RIPOR2: variants seen among roughly 807,000 people sequenced by gnomAD.
RIPOR2 encodes the protein rho family-interacting cell polarization regulator 2.
Under a neutral mutation model 114.5 loss-of-function variants are expected in RIPOR2, and 39 were observed. The ratio of observed to expected loss-of-function variants is 0.34; its 90% CI spans 0.26 to 0.44. The LOEUF (loss-of-function observed/expected upper bound fraction) is 0.44, where lower values mean the gene tolerates loss of function less well. RIPOR2 is among the 20% of genes least tolerant of loss of function. The pLI is 1.00. For missense variants in RIPOR2, 1,007 were observed against 1,255.1 expected, an observed-to-expected ratio of 0.80 and a Z score of 2.99; for synonymous variants, 445 against 484.4, an observed-to-expected ratio of 0.92 and a Z score of 1.07.
At chr6:25,024,617 G>T (rs1179424400) in intron 1 of RIPOR2, 2 of 454,904 alleles carry the variant, frequency 4.4e-6, no homozygotes, top group East Asian at 9.9e-5. Context: ...ATTGTTAAAG[G>T]TTTCCAGTTC....
Position 25,041,750 on chromosome 6 carries a change from G to A in RIPOR2, c.76+101C>T. 5 of 629,560 alleles carry A rather than the reference G, an allele frequency of 7.9e-6. No individual in the cohort carries two copies. The South Asian group carries it at 8.9e-5, about 11-fold the overall frequency. 39.0% of individuals were successfully genotyped at this position (629,560 alleles called of 1,614,324 possible). The stretch of plus-strand genomic sequence containing the variant: ...GAAAGTGGAAGAGAGGAGGAAGGGG[G>A]AAAGATTGGAGAAGATTTGCAGAGG... On this transcript the variant is annotated intron_variant, in intron 1 of 13. Coordinates refer to the RIPOR2 transcript ENST00000510784.
chr6:24,963,369 A>T (rs1461385981), intron 1 of RIPOR2, among the ~76,000 whole-genome samples: 4 of 152,160 alleles, frequency 2.6e-5, no homozygotes, highest in Non-Finnish European at 5.9e-5. Flanking sequence ...CCCTACAAAG[A>T]GGTTTGCATT....
At chr6:24,990,893 T>C (rs1774779369) in intron 1 of RIPOR2, among the ~76,000 whole-genome samples, 1 of 152,168 alleles carries the variant, frequency 6.6e-6, no homozygotes, top group Non-Finnish European at 1.5e-5. Context: ...CATATGAAGC[T>C]CTAAATACAC....
At chr6:24,817,761 CACG>C (rs1268497540) in intron 20 of RIPOR2, among the ~76,000 whole-genome samples, 3 of 152,126 alleles carry the variant, frequency 2.0e-5, no homozygotes, top group African/African-American at 7.2e-5. Context: ...TCTCCCTGCT[CACG>C]ACACCTCCTT....
chr6:24,952,441 T>C (rs1772826940), intron 1 of RIPOR2, among the ~76,000 whole-genome samples: 2 of 152,162 alleles, frequency 1.3e-5, no homozygotes, highest in African/African-American at 4.8e-5. Context: ...TTGCAGTGCT[T>C]ATGGATTTTC....
intron 1 of RIPOR2, among the ~76,000 whole-genome samples, chr6:24,920,608 T>C (rs994972890): frequency 6.6e-6 from 1 of 152,254 alleles, no homozygotes; most frequent in African/African-American, 2.4e-5. Context: ...TTTTCTATTA[T>C]GTATATGCTG....
chr6:24,843,448 G>A lies in RIPOR2; in HGVS notation c.1271C>T (p.Ser424Phe), dbSNP rs753403327. ...GTTGGAAGGGGAGCCTGTTGAGTGG[G>A]AGGTGAGGGCGCAGTCCCCGTTGGG... is the stretch of plus-strand genomic sequence containing the variant. ...DLPNGDCALT[S>F]HSTGSPSNST... Residue 424 changes from serine to phenylalanine, a missense_variant, in exon 13 of 22, where the codon TCC (serine) becomes TTC (phenylalanine). Ser to Phe is a radical substitution (Grantham distance 155). Coordinates refer to ENST00000643898, the MANE Select transcript of RIPOR2 (RefSeq NM_001286445.3). 1 of 1,611,946 alleles carries A rather than the reference G, an allele frequency of 6.2e-7. No homozygotes were observed. Among genetic ancestry groups the A allele is most frequent in the East Asian group, 2.2e-5 (1 of 44,818 alleles).
chr6:24,961,717 C>T (rs543556557), intron 1 of RIPOR2, among the ~76,000 whole-genome samples: 1 of 151,708 alleles, frequency 6.6e-6, no homozygotes, highest in African/African-American at 2.4e-5. Flanking sequence ...CTCTGCCTCC[C>T]AGGTTCAAGT....
intron 1 of RIPOR2, among the ~76,000 whole-genome samples, chr6:24,992,447 A>G (rs775787470): frequency 1.3e-5 from 2 of 152,196 alleles, no homozygotes; most frequent in Non-Finnish European, 2.9e-5. Context: ...CAAGAACCAA[A>G]TCGGAAAGGC....
intron 17 of RIPOR2, among the ~76,000 whole-genome samples, chr6:24,830,221 C>T (rs1448381458): frequency 6.6e-6 from 1 of 152,214 alleles, no homozygotes; most frequent in Non-Finnish European, 1.5e-5. Flanking sequence ...CTGTCTCCGT[C>T]TCCCAAAGTG....
chr6:25,028,933 G>C (rs1393608372), intron 1 of RIPOR2, among the ~76,000 whole-genome samples: 2 of 152,198 alleles, frequency 1.3e-5, no homozygotes, highest in African/African-American at 2.4e-5. Context: ...CTAGGACTGA[G>C]AGAAGGCACC....
intron 19 of RIPOR2, among the ~76,000 whole-genome samples, chr6:24,823,939 T>G (rs1759922729): frequency 6.6e-6 from 1 of 152,106 alleles, no homozygotes; most frequent in African/African-American, 2.4e-5. Context: ...GTATTTTTAG[T>G]AGAGACAGGG....
At position 25,037,923 on chromosome 6, in the gene RIPOR2, G is replaced by T. The variant is rs141169249; in HGVS notation, c.76+3928C>A. ...GGTCCGGGTATTAAATAATATGTGG[G>T]GATCATTGTTAATTTTATTACGCAG... On this transcript the variant is annotated intron_variant, in intron 1 of 13. Coordinates refer to the RIPOR2 transcript ENST00000510784. This position sits in a 1 kb window ranked among gnomAD's most constrained non-coding sequence, Gnocchi z 4.5. Among the ~76,000 whole-genome samples the T allele has an allele frequency of 4.5e-3, 686 of 151,944 alleles. 9 individuals are homozygous for T. The highest frequency in any genetic ancestry group is 0.021 in the South Asian group (99 of 4,810).
intron 1 of RIPOR2, among the ~76,000 whole-genome samples, chr6:24,890,108 T>C (rs1048083592): frequency 2.0e-5 from 3 of 152,240 alleles, no homozygotes; most frequent in African/African-American, 7.2e-5. Context: ...TTAGACAGGC[T>C]GGTCTCGAAC....
chr6:24,850,019 T>G (rs2079582954), intron 10 of RIPOR2, 69 bp from the exon 11 acceptor site: 9 of 1,285,240 alleles, frequency 7.0e-6, no homozygotes, highest in Non-Finnish European at 9.8e-6. Flanking sequence ...TAATGTGTCA[T>G]TTTTTTTACT....
upstream of RIPOR2, chr6:25,042,055 TC>T (rs1777478438): frequency 6.6e-6 from 3 of 452,644 alleles, no homozygotes; most frequent in Non-Finnish European, 1.1e-5. Context: ...TTTGTTCTTT[TC>T]TTAAAAAAAA....
chr6:24,936,770 A>G (rs1407471473), upstream of RIPOR2, among the ~76,000 whole-genome samples: 1 of 152,150 alleles, frequency 6.6e-6, no homozygotes, highest in African/African-American at 2.4e-5. Flanking sequence ...GCACAAACAA[A>G]CACACATCTC....
At chr6:24,818,232 G>A (rs1562214541) in intron 20 of RIPOR2, among the ~76,000 whole-genome samples, 1 of 151,948 alleles carries the variant, frequency 6.6e-6, no homozygotes, top group Admixed American at 6.6e-5. Context: ...CAAAATGCTG[G>A]GATTACAGGC....
intron 1 of RIPOR2, among the ~76,000 whole-genome samples, chr6:24,997,397 A>G (rs1357357988): frequency 6.6e-6 from 1 of 152,194 alleles, no homozygotes. Context: ...CAGAATTTCT[A>G]TATTAGACAT....
Sources: allele counts gnomAD v4.1 joint callset (sites outside exome capture counted in the v4.1 genomes callset), GRCh38; gene constraint gnomAD v4.1.1; non-coding constraint Gnocchi (gnomAD v3.1); transcripts MANE v1.5; gene names NCBI Gene and HGNC (gene_info 2026-07-23, HGNC 2026-07-21).